The following SRPRA variants were observed in gnomAD, a reference collection of about 807,000 sequenced individuals.
SRPRA encodes the protein SRP receptor subunit alpha, also known as signal recognition particle receptor subunit alpha.
SRPRA carries 30 observed loss-of-function variants against 61.1 expected under a neutral mutation model. That is an observed-to-expected ratio of 0.49 (90% CI 0.37 to 0.67). SRPRA has a LOEUF of 0.67. Ranked by LOEUF, SRPRA falls within the 30% of genes least tolerant of loss-of-function variation. The pLI is 0.00. For synonymous variants in SRPRA, 324 were observed against 299.7 expected (o/e 1.08, Z -0.84); for missense variants, 759 against 828.4 (o/e 0.92, Z 1.03).
chr11:126,263,809 TTG>T lies in SRPRA; in HGVS notation c.*105_*106del. On this transcript the variant is annotated 3_prime_UTR_variant, in exon 14 of 14. Transcript: ENST00000332118. ...AGCCACAAGCCCCCTCACTCTGCCT[TTG>T]TACTACACTGAAGACAGGTTGCTCA... The T allele has an allele frequency of 6.7e-7, 1 of 1,491,140 alleles. No homozygotes were observed. Among genetic ancestry groups the T allele is most frequent in the Non-Finnish European group, 9.0e-7 (1 of 1,107,596 alleles). The allele number at this position is 1,491,140 out of a possible 1,614,324, so 92.4% of individuals were successfully genotyped here.
rs1483674427 is a variant in SRPRA, at chr11:126,264,966, A to G, written c.1518T>C (p.Ile506=). The G allele has an allele frequency of 6.2e-7, 1 of 1,613,780 alleles. No individual in the cohort carries two copies. The highest frequency in any genetic ancestry group is 1.3e-5 in the African/African-American group (1 of 74,938). The part of the protein sequence containing the change: ...KDAAGIAMEA[I]AFARNQGFDV... ...ACTTCCCATGCACTGTACCAAAAGC[A>G]ATGGCTTCCATGGCAATGCCAGCAG... The change falls in exon 11 of 14, where the codon ATT becomes ATC. Residue 506 remains isoleucine, a synonymous_variant. Coordinates refer to ENST00000332118, the MANE Select transcript of SRPRA (RefSeq NM_003139.4). This position sits in a 1 kb window ranked among gnomAD's most constrained non-coding sequence, Gnocchi z 5.0.
chr11:126,237,967 T>C, the SRPRA span, among the ~76,000 whole-genome samples: 1 of 152,304 alleles, frequency 6.6e-6, no homozygotes, highest in South Asian at 2.1e-4. Context: ...GATTTCTCTC[T>C]ACCTGCTAGT....
chr11:126,248,358 CTTTTTTTTTTTTTT>C, the SRPRA span, among the ~76,000 whole-genome samples: 14 of 36,962 alleles, frequency 3.8e-4, no homozygotes, highest in East Asian at 8.6e-3. Context: ...TAGTAGTTGA[CTTTTTTTTTTTTTT>C]TTTTTTTTTT....
chr11:126,241,039 T>C, the SRPRA span: 3 of 1,593,618 alleles, frequency 1.9e-6, no homozygotes, highest in Non-Finnish European at 2.6e-6. Context: ...CCAGAAACTC[T>C]CTCCTGTGAG....
At chr11:126,238,182 T>G in the SRPRA span, among the ~76,000 whole-genome samples, 1 of 152,094 alleles carries the variant, frequency 6.6e-6, no homozygotes, top group East Asian at 2.0e-4. Context: ...GCCAACCTGG[T>G]GAAACCCCGT....
the SRPRA span, among the ~76,000 whole-genome samples, chr11:126,236,986 G>A: frequency 4.9e-5 from 7 of 141,930 alleles, no homozygotes; most frequent in Middle Eastern, 3.9e-3. Context: ...ACACTATCTC[G>A]GCTCATTGCA....
chr11:126,263,917 T>C lies in SRPRA; in HGVS notation c.1916A>G (p.Ter639=). The C allele has an allele frequency of 1.2e-6, 2 of 1,614,032 alleles. No homozygotes were observed. The highest frequency in any genetic ancestry group is 1.7e-6 in the Non-Finnish European group (2 of 1,179,994). The change falls in exon 14 of 14, where the codon TAA becomes TGA. Residue 639 remains the stop codon, a stop_retained_variant. Coordinates refer to ENST00000332118, the MANE Select transcript of SRPRA (RefSeq NM_003139.4). Reference sequence around the variant, plus strand: ...ATTTGGTATTGGGCAAGAGCCACGTTAAGCCTTCATGAGGGCAGCCACCAC... The same window carrying C: ...ATTTGGTATTGGGCAAGAGCCACGTCAAGCCTTCATGAGGGCAGCCACCAC... ...KAVVAALMKA[*]
downstream of SRPRA, chr11:126,262,331 G>T (rs1950718067): frequency 4.4e-4 from 198 of 451,118 alleles, no homozygotes; most frequent in Middle Eastern, 1.1e-3. Flanking sequence ...TCTGCCGCCT[G>T]TTCAAGTTCA....
downstream of SRPRA, among the ~76,000 whole-genome samples, chr11:126,258,732 T>C (rs1950621317): frequency 6.6e-6 from 1 of 152,248 alleles, no homozygotes; most frequent in Non-Finnish European, 1.5e-5. Context: ...GACATACATA[T>C]CCAAGTTCTA....
At chr11:126,247,972 A>G in the SRPRA span, among the ~76,000 whole-genome samples, 2 of 141,786 alleles carry the variant, frequency 1.4e-5, no homozygotes, top group Non-Finnish European at 3.0e-5. Flanking sequence ...CACACTATCA[A>G]TACATTATAT....
the SRPRA span, among the ~76,000 whole-genome samples, chr11:126,251,424 A>C: frequency 2.3e-4 from 35 of 152,360 alleles, no homozygotes; most frequent in South Asian, 1.9e-3. Context: ...TCAGTACTAC[A>C]GTATTGCCCC....
the SRPRA span, chr11:126,250,450 C>A: frequency 8.0e-7 from 1 of 1,253,374 alleles, no homozygotes; most frequent in Non-Finnish European, 1.2e-6. The surrounding 1 kb of genome is among the most constrained non-coding windows in gnomAD (Gnocchi z 5.1). Flanking sequence ...GTAACTAAAA[C>A]AACTGACCTA....
At position 126,265,287 on chromosome 11, in the gene SRPRA, T is replaced by C. The variant is rs765063102; in HGVS notation, c.1292A>G (p.Lys431Arg). 3 of 1,614,138 alleles carry C rather than the reference T, an allele frequency of 1.9e-6. No homozygotes were observed. The highest frequency in any genetic ancestry group is 2.5e-6 in the Non-Finnish European group (3 of 1,180,012). The change falls in exon 10 of 14, where the codon AAA becomes AGA. Residue 431 changes from lysine (K) to arginine (R), a missense_variant. Lys to Arg is a conservative substitution (Grantham distance 26). This residue lies in a region of SRPRA where 284 missense variants were observed against 365.9 expected (regional missense o/e 0.78). Transcript: ENST00000332118. The surrounding 1 kb of genome is among the most constrained non-coding windows in gnomAD (Gnocchi z 6.3). ...ACTGACCTTGGCAAGATTAGTAGAT[T>C]TCCCCACTCCATTAACGCCGCAGAA... Reference protein sequence around the residue: ...VTFCGVNGVGKSTNLAKISFW... With the variant: ...VTFCGVNGVGRSTNLAKISFW...
Position 126,264,189 on chromosome 11 carries a change from A to G in SRPRA, c.1788+2T>C. On this transcript the variant is annotated splice_donor_variant, in intron 13 of 13. Coordinates refer to ENST00000332118, the MANE Select transcript of SRPRA (RefSeq NM_003139.4). LOFTEE classifies it high-confidence loss of function. The surrounding 1 kb of genome is among the most constrained non-coding windows in gnomAD (Gnocchi z 5.0). The stretch of plus-strand genomic sequence containing the variant: ...CATTCCAGCCTCCAGTCTCACGTTT[A>G]CCTTGTCATCAATGGTATCAAATTT... The G allele has an allele frequency of 1.2e-6, 2 of 1,613,932 alleles. No homozygotes were observed. The highest frequency in any genetic ancestry group is 1.7e-6 in the Non-Finnish European group (2 of 1,179,926).
In SRPRA at chr11:126,267,474, C is replaced by T. The variant is rs1021343851; in HGVS notation, c.365+75G>A. ...GAATGTCTTTGAACACATCAATTTA[C>T]CACCTTTGAACCACCTTCAGAGAGG... On this transcript the variant is annotated intron_variant, in intron 3 of 13. Coordinates refer to ENST00000332118, the MANE Select transcript of SRPRA (RefSeq NM_003139.4). This position sits in a 1 kb window ranked among gnomAD's most constrained non-coding sequence, Gnocchi z 4.2. The T allele has an allele frequency of 6.0e-5, 96 of 1,596,074 alleles. No homozygotes were observed. The highest frequency in any genetic ancestry group is 1.1e-5 in the South Asian group (1 of 89,206).
Position 126,267,275 on chromosome 11 carries a change from A to G in SRPRA, c.426T>C (p.Ser142=), listed in dbSNP as rs770449793. 1.1e-4 allele frequency: 176 copies of G among 1,613,820 alleles called. 1 individual carries two copies. The South Asian group carries it at 1.9e-3, about 17-fold the overall frequency. ...APTTMKKFED[S]EKAKKPVRSM... is the part of the protein sequence containing the mutation. ...ACCTCACAGGTTTCTTGGCCTTTTC[A>G]GAATCTTCAAATTTCTTCATGGTAG... Residue 142 remains serine (S), a synonymous_variant, in exon 4 of 14, where the codon TCT becomes TCC. Transcript: ENST00000332118. This position sits in a 1 kb window ranked among gnomAD's most constrained non-coding sequence, Gnocchi z 4.2.
chr11:126,265,736 C>CTGAACGTCCTGAACTTACTGAACGA lies in SRPRA; in HGVS notation c.1138_1138+1insTCGTTCAGTAAGTTCAGGACGTTCA (p.Thr380IlefsTer4). ...ACTTTCTCACTTAGGTAAGTACTTA[C>CTGAACGTCCTGAACTTACTGAACGA]TGCTGAACGTCCCCATCACCTTCCC... On this transcript the variant is annotated stop_gained and frameshift_variant and splice_region_variant. Coordinates refer to ENST00000332118, the MANE Select transcript of SRPRA (RefSeq NM_003139.4). LOFTEE classifies it high-confidence loss of function. This position sits in a 1 kb window ranked among gnomAD's most constrained non-coding sequence, Gnocchi z 6.3. 1 of 1,614,190 alleles carries CTGAACGTCCTGAACTTACTGAACGA rather than the reference C, an allele frequency of 6.2e-7. No homozygotes were observed. The highest frequency in any genetic ancestry group is 8.5e-7 in the Non-Finnish European group (1 of 1,180,012).
At chr11:126,262,411 C>A, downstream of SRPRA, 1 of 505,332 alleles carries the variant, frequency 2.0e-6, no homozygotes. Flanking sequence ...TGCTTGTGTC[C>A]ACACAGCACA....
rs1432856809 is a variant in SRPRA, at chr11:126,263,945, C to A, written c.1888G>T (p.Ala630Ser). 1.9e-6 allele frequency: 3 copies of A among 1,614,208 alleles called. No homozygotes were observed. The South Asian group carries it at 3.3e-5, about 18-fold the overall frequency. The change falls in exon 14 of 14, where the codon GCT becomes TCT. Residue 630 changes from alanine to serine, a missense_variant. Ala to Ser is a moderately conservative substitution (Grantham distance 99). Coordinates refer to ENST00000332118, the MANE Select transcript of SRPRA (RefSeq NM_003139.4). Reference sequence around the variant, plus strand: ...GCCTTCATGAGGGCAGCCACCACAGCCTTGGCATTGAGGCTGCGTAGGTCA... The same window carrying A: ...GCCTTCATGAGGGCAGCCACCACAGACTTGGCATTGAGGCTGCGTAGGTCA... The part of the protein sequence containing the change: ...YCDLRSLNAK[A>S]VVAALMKA
Sources: allele counts gnomAD v4.1 joint callset (sites outside exome capture counted in the v4.1 genomes callset), GRCh38; gene constraint gnomAD v4.1.1; regional missense constraint gnomAD v4.1.1; non-coding constraint Gnocchi (gnomAD v3.1); transcripts MANE v1.5; gene names NCBI Gene and HGNC (gene_info 2026-07-23, HGNC 2026-07-21).